CNTN5: variants seen among roughly 807,000 people sequenced by gnomAD.
CNTN5 encodes the protein contactin-5.
A neutral mutation model predicts 129.1 loss-of-function variants in CNTN5; 77 were observed. The ratio of observed to expected loss-of-function variants is 0.60; its 90% CI spans 0.50 to 0.72. The LOEUF (loss-of-function observed/expected upper bound fraction) is 0.72. Among genes scored for constraint, CNTN5 ranks in the 30% least tolerant of loss-of-function variants. The pLI is 0.00. For missense variants in CNTN5, 1,478 were observed against 1,328.8 expected, an observed-to-expected ratio of 1.11 and a Z score of -1.75; for synonymous variants, 509 against 465.6, an observed-to-expected ratio of 1.09 and a Z score of -1.20.
At chr11:99,716,293 C>G (rs676620) in intron 3 of CNTN5, among the ~76,000 whole-genome samples, 41,819 of 151,866 alleles carry the variant, frequency 0.28, 6,284 homozygotes, top group Middle Eastern at 0.44. Context: ...TTTCTTTTCT[C>G]TTCTTCCTAG....
chr11:99,025,484 A>AGTAATAC (rs1314312255), intron 1 of CNTN5, among the ~76,000 whole-genome samples: 20 of 151,942 alleles, frequency 1.3e-4, no homozygotes, highest in South Asian at 4.1e-4. Context: ...AAAGGAGAAC[A>AGTAATAC]TCTCATCTTC....
At chr11:99,845,021 CCAT>C (rs769591952) in intron 5 of CNTN5, 46 bp downstream of exon 5, 1 of 1,609,050 alleles carries the variant, frequency 6.2e-7, no homozygotes, top group Admixed American at 1.7e-5. Flanking sequence ...TAAAAACTTT[CCAT>C]CAATGATATT....
chr11:99,658,905 AG>A lies in CNTN5; in HGVS notation c.55+102637del, dbSNP rs1197127025. On this transcript the variant is annotated intron_variant, in intron 3 of 24. Coordinates refer to ENST00000524871, the MANE Select transcript of CNTN5 (RefSeq NM_014361.4). ...CTCTGTCTCAAAAAAAAAAAAAAAA[AG>A]AAAAAGAAAAATATAATGAGTGCCA... is the stretch of plus-strand genomic sequence containing the variant. 3.4e-5 allele frequency among the ~76,000 whole-genome samples: 5 copies of A among 146,646 alleles called. 1 individual carries two copies. The highest frequency in any genetic ancestry group is 4.3e-4 in the South Asian group (2 of 4,610).
chr11:99,573,658 T>A (rs1353989253), intron 3 of CNTN5, among the ~76,000 whole-genome samples: 4 of 151,856 alleles, frequency 2.6e-5, no homozygotes, highest in African/African-American at 7.3e-5. Context: ...TGAGACGGAG[T>A]CTCGCTCTAT....
chr11:100,070,521 G>A lies in CNTN5; in HGVS notation c.1260G>A (p.Thr420=), dbSNP rs367915776. The change falls in exon 11 of 25, where the codon ACG becomes ACA. Residue 420 remains threonine, a synonymous_variant. Coordinates refer to ENST00000524871, the MANE Select transcript of CNTN5 (RefSeq NM_014361.4). ...AGGCTACTGGAAAACCCAGACCCAC[G>A]TATCGTTGGCTGAAGAATGGAGTAC... ...ECKATGKPRP[T]YRWLKNGVPL... is the part of the protein sequence containing the mutation. The A allele has an allele frequency of 9.9e-6, 16 of 1,612,964 alleles. No homozygotes were observed. Among genetic ancestry groups the A allele is most frequent in the Admixed American group, 8.4e-5 (5 of 59,880 alleles).
At chr11:99,082,897 T>G (rs970422144) in intron 1 of CNTN5, among the ~76,000 whole-genome samples, 9 of 152,256 alleles carry the variant, frequency 5.9e-5, no homozygotes, top group Middle Eastern at 3.4e-3. Flanking sequence ...GTAAAGTACA[T>G]TTAAATAGCA....
chr11:99,214,563 A>T (rs1860021854), intron 1 of CNTN5, among the ~76,000 whole-genome samples: 1 of 151,786 alleles, frequency 6.6e-6, no homozygotes, highest in South Asian at 2.1e-4. Flanking sequence ...TCCCAGCTTC[A>T]ATTTCATTGT....
chr11:99,896,589 A>G (rs1359269058), intron 6 of CNTN5, among the ~76,000 whole-genome samples: 2 of 152,096 alleles, frequency 1.3e-5, no homozygotes, highest in Admixed American at 1.3e-4. Context: ...GATCCCTACA[A>G]TCATGGGTTA....
intron 20 of CNTN5, 75 bp from the exon 21 acceptor site, chr11:100,308,284 C>G: frequency 7.6e-7 from 1 of 1,321,464 alleles, no homozygotes; most frequent in Non-Finnish European, 1.0e-6. Context: ...AGGAATTTAA[C>G]ACCTGACAGA....
At chr11:100,006,539 T>A (rs975821865) in intron 9 of CNTN5, among the ~76,000 whole-genome samples, 1 of 152,292 alleles carries the variant, frequency 6.6e-6, no homozygotes, top group Non-Finnish European at 1.5e-5. Flanking sequence ...TCTTTGCTCA[T>A]CCATAAGAAG....
At chr11:99,931,100 C>T (rs1251716282) in intron 7 of CNTN5, among the ~76,000 whole-genome samples, 1 of 152,128 alleles carries the variant, frequency 6.6e-6, no homozygotes, top group African/African-American at 2.4e-5. Context: ...TTAATAATAT[C>T]TGAATGTAGT....
At chr11:99,043,066 A>AAAAT (rs1205222923) in intron 1 of CNTN5, among the ~76,000 whole-genome samples, 1 of 152,232 alleles carries the variant, frequency 6.6e-6, no homozygotes. Context: ...TCCTTATAAG[A>AAAAT]AAATAAAGAG....
At chr11:99,499,569 T>G (rs1022818843) in intron 2 of CNTN5, among the ~76,000 whole-genome samples, 1 of 152,136 alleles carries the variant, frequency 6.6e-6, no homozygotes, top group African/African-American at 2.4e-5. Flanking sequence ...TTACCCAGTC[T>G]CAGGTATCTG....
intron 4 of CNTN5, among the ~76,000 whole-genome samples, chr11:99,832,318 A>G (rs985569483): frequency 6.6e-6 from 1 of 152,200 alleles, no homozygotes; most frequent in East Asian, 1.9e-4. Flanking sequence ...CTGTAATTAC[A>G]TTGGCATCAA....
chr11:99,826,212 C>T (rs982733651), intron 4 of CNTN5, among the ~76,000 whole-genome samples: 1 of 151,868 alleles, frequency 6.6e-6, no homozygotes, highest in African/African-American at 2.4e-5. Context: ...TTTGCAAGTA[C>T]ATGTGGAAAG....
intron 1 of CNTN5, among the ~76,000 whole-genome samples, chr11:99,050,168 A>C (rs1053777676): frequency 1.3e-5 from 2 of 152,122 alleles, no homozygotes; most frequent in African/African-American, 2.4e-5. Flanking sequence ...TTGAGTATCG[A>C]GAATTACTGC....
intron 2 of CNTN5, among the ~76,000 whole-genome samples, chr11:99,362,191 T>C (rs781174882): frequency 1.3e-5 from 2 of 152,070 alleles, no homozygotes; most frequent in Non-Finnish European, 2.9e-5. Flanking sequence ...GGGTATAAAG[T>C]GGGATCTCAC....
At chr11:99,030,421 C>T (rs1434772609) in intron 1 of CNTN5, among the ~76,000 whole-genome samples, 1 of 152,076 alleles carries the variant, frequency 6.6e-6, no homozygotes, top group Non-Finnish European at 1.5e-5. Context: ...TGTATGTTTG[C>T]TGATGGTGAC....
At chr11:99,281,158 A>G (rs1863678399) in intron 1 of CNTN5, among the ~76,000 whole-genome samples, 1 of 151,950 alleles carries the variant, frequency 6.6e-6, no homozygotes, top group Non-Finnish European at 1.5e-5. Context: ...AGATCTGATT[A>G]AGGATTCAGA....
Sources: gnomAD v4.1 joint callset for allele counts (sites outside exome capture counted in the v4.1 genomes callset) on GRCh38, gnomAD v4.1.1 for gene constraint, MANE v1.5 for transcripts, NCBI Gene and HGNC (gene_info 2026-07-23, HGNC 2026-07-21) for gene names.